MS4A13: variants seen among roughly 807,000 people sequenced by gnomAD.
The protein encoded by MS4A13 is membrane spanning 4-domains A13.
In MS4A13, 21 loss-of-function variants were observed where a neutral mutation model predicts 18.4. The ratio of observed to expected loss-of-function variants is 1.14; its 90% confidence interval spans 0.81 to 1.64. The LOEUF (loss-of-function observed/expected upper bound fraction) is 1.64. MS4A13 is among the 40% of genes most tolerant of loss of function. The probability of loss-of-function intolerance (pLI) is 0.00; values close to 1 mark genes in which losing one functional copy is unlikely to be tolerated. For missense variants in MS4A13, 173 were observed against 176.8 expected (o/e 0.98, Z 0.12); for synonymous variants, 62 against 57.2 (o/e 1.08, Z -0.38).
At chr11:60,519,895 G>T (rs945354402) in intron 3 of MS4A13, among the ~76,000 whole-genome samples, 1 of 152,144 alleles carries the variant, frequency 6.6e-6, no homozygotes, top group African/African-American at 2.4e-5. Flanking sequence ...ATACTAGAGG[G>T]CATGAGCTAG....
intron 6 of MS4A13, among the ~76,000 whole-genome samples, chr11:60,538,743 A>G (rs563084699): frequency 6.9e-6 from 1 of 144,040 alleles, no homozygotes; most frequent in Admixed American, 7.1e-5. Context: ...ACTATGTTAC[A>G]TGACACAGCA....
intron 3 of MS4A13, among the ~76,000 whole-genome samples, chr11:60,519,642 C>T (rs1323905197): frequency 1.3e-5 from 2 of 152,098 alleles, no homozygotes; most frequent in Non-Finnish European, 1.5e-5. Context: ...GTATGCCTTC[C>T]TCAGGCCATG....
chr11:60,541,739 G>A (rs898944264), intron 6 of MS4A13, among the ~76,000 whole-genome samples: 2 of 152,020 alleles, frequency 1.3e-5, no homozygotes, highest in Non-Finnish European at 2.9e-5. Flanking sequence ...AGAAGACTAT[G>A]GTTATTTTTA....
At chr11:60,532,320 G>T (rs370707410) in intron 6 of MS4A13, among the ~76,000 whole-genome samples, 1 of 152,174 alleles carries the variant, frequency 6.6e-6, no homozygotes, top group South Asian at 2.1e-4. Context: ...TGCACGCACC[G>T]TGCGCGAGCC....
At chr11:60,525,170 C>T (rs1221773838) in intron 4 of MS4A13, 37 bp from the exon 5 acceptor site, 1 of 1,469,058 alleles carries the variant, frequency 6.8e-7, no homozygotes, top group South Asian at 1.2e-5. Flanking sequence ...AATGTTTATT[C>T]TGAATATAAT....
chr11:60,526,162 C>A (rs1482234351), intron 5 of MS4A13, among the ~76,000 whole-genome samples: 4 of 152,098 alleles, frequency 2.6e-5, no homozygotes, highest in Admixed American at 2.0e-4. Flanking sequence ...GAGAACAAAA[C>A]CCTGGAGGAC....
chr11:60,540,427 T>A (rs1334557479), intron 6 of MS4A13, among the ~76,000 whole-genome samples: 1 of 152,168 alleles, frequency 6.6e-6, no homozygotes, highest in Non-Finnish European at 1.5e-5. Context: ...TTACATAATA[T>A]ATATAGATAG....
intron 2 of MS4A13, 143 bp from the exon 3 acceptor site, chr11:60,517,929 C>T: frequency 3.5e-6 from 2 of 573,832 alleles, no homozygotes; most frequent in Non-Finnish European, 5.5e-6. Context: ...CTGGGATAAC[C>T]AATCCAGGAA....
At chr11:60,528,922 C>T (rs1361762258) in intron 5 of MS4A13, among the ~76,000 whole-genome samples, 2 of 152,124 alleles carry the variant, frequency 1.3e-5, no homozygotes, top group East Asian at 1.9e-4. Context: ...AGAGTTTTAT[C>T]ACCATGTATG....
chr11:60,540,186 G>T (rs1274414672), intron 6 of MS4A13, among the ~76,000 whole-genome samples: 1 of 152,132 alleles, frequency 6.6e-6, no homozygotes, highest in African/African-American at 2.4e-5. Context: ...AATTCCATCT[G>T]TCATAACTAC....
intron 6 of MS4A13, among the ~76,000 whole-genome samples, chr11:60,529,934 T>C (rs1431379318): frequency 6.6e-6 from 1 of 152,190 alleles, no homozygotes; most frequent in African/African-American, 2.4e-5. Flanking sequence ...TGGTTTCCAG[T>C]TTTTTCTAAA....
intron 3 of MS4A13, among the ~76,000 whole-genome samples, chr11:60,519,786 C>T (rs902986442): frequency 6.6e-6 from 1 of 151,902 alleles, no homozygotes; most frequent in Non-Finnish European, 1.5e-5. Flanking sequence ...TAATGGTTGG[C>T]CATGAAATTT....
At position 60,523,849 on chromosome 11, in the gene MS4A13, T is replaced by G. The variant is rs778174348; in HGVS notation, c.130-48T>G. The G allele has an allele frequency of 3.7e-5, 39 of 1,042,430 alleles. 2 individuals are homozygous for G. The South Asian group carries it at 5.1e-4, about 14-fold the overall frequency. The allele number at this position is 1,042,430 out of a possible 1,614,324, so 64.6% of individuals were successfully genotyped here. A position where few individuals can be genotyped will look rare whatever the true frequency, so the allele number is the denominator to read the frequency against. On this transcript the variant is annotated intron_variant, in intron 3 of 6. Transcript: ENST00000378186. ...AGAGTTATTAAAAGTACATTCTAAATTGGCAAGCATTATCAATGAGTATTT... is the reference window on the plus strand; with the variant it reads ...AGAGTTATTAAAAGTACATTCTAAAGTGGCAAGCATTATCAATGAGTATTT...
At position 60,540,123 on chromosome 11, in the gene MS4A13, C is replaced by T. The variant is rs77052065; in HGVS notation, c.403-2396C>T. ...GTAGCATTAATTGCATTGGGCTCACCCAGGTAATCCAGGATGATTACCTTA... is the reference window on the plus strand; with the variant it reads ...GTAGCATTAATTGCATTGGGCTCACTCAGGTAATCCAGGATGATTACCTTA... On this transcript the variant is annotated intron_variant, in intron 6 of 6. Coordinates refer to ENST00000378186, the MANE Select transcript of MS4A13 (RefSeq NM_001012417.3). 2.2e-3 allele frequency among the ~76,000 whole-genome samples: 335 copies of T among 152,286 alleles called. 6 individuals carry two copies. The East Asian group carries it at 0.051, about 23-fold the overall frequency.
intron 6 of MS4A13, among the ~76,000 whole-genome samples, chr11:60,530,719 C>T (rs960924079): frequency 2.0e-5 from 3 of 152,278 alleles, no homozygotes; most frequent in South Asian, 2.1e-4. Context: ...TGTGTCCCCA[C>T]CCAAATCTCA....
intron 5 of MS4A13, among the ~76,000 whole-genome samples, chr11:60,526,669 G>T (rs1310922850): frequency 6.6e-6 from 1 of 152,158 alleles, no homozygotes; most frequent in East Asian, 1.9e-4. Context: ...CACTTGCTAA[G>T]GCAGCCAACA....
intron 1 of MS4A13, 143 bp from the exon 2 acceptor site, chr11:60,515,826 C>T (rs1243280884): frequency 6.6e-6 from 1 of 152,064 alleles, no homozygotes; most frequent in African/African-American, 2.4e-5. Flanking sequence ...AAGTTGATGC[C>T]TCTAATATTA....
At chr11:60,516,709 T>C (rs2086639991) in intron 2 of MS4A13, among the ~76,000 whole-genome samples, 1 of 152,192 alleles carries the variant, frequency 6.6e-6, no homozygotes, top group East Asian at 1.9e-4. Flanking sequence ...TCTGACCTCC[T>C]GGAACTCATA....
intron 6 of MS4A13, among the ~76,000 whole-genome samples, chr11:60,529,919 T>C (rs1335655181): frequency 6.6e-6 from 1 of 152,228 alleles, no homozygotes; most frequent in Non-Finnish European, 1.5e-5. Flanking sequence ...ACTGCATATG[T>C]AGCTTGGTTT....
Sources: gnomAD v4.1 joint callset for allele counts (sites outside exome capture counted in the v4.1 genomes callset) on GRCh38, gnomAD v4.1.1 for gene constraint, MANE v1.5 for transcripts, NCBI Gene and HGNC (gene_info 2026-07-23, HGNC 2026-07-21) for gene names.